The following EPB41L1 variants were observed in gnomAD, a reference collection of about 807,000 sequenced individuals.
The protein encoded by EPB41L1 is band 4.1-like protein 1.
Under a neutral mutation model 97.8 loss-of-function variants are expected in EPB41L1, and 29 were observed. The observed-to-expected ratio is 0.30, with a 90% CI of 0.22 to 0.40. EPB41L1 has a LOEUF of 0.40. EPB41L1 is among the 10% of genes least tolerant of loss of function. The pLI is 1.00. For missense variants in EPB41L1, 812 were observed against 1,162.3 expected, an observed-to-expected ratio of 0.70 and a Z score of 4.38; for synonymous variants, 383 against 459.2, an observed-to-expected ratio of 0.83 and a Z score of 2.12.
chr20:36,155,997 C>G (rs1433704387), intron 1 of EPB41L1, among the ~76,000 whole-genome samples: 1 of 152,012 alleles, frequency 6.6e-6, no homozygotes, highest in African/African-American at 2.4e-5. Flanking sequence ...CCCTCCGCAG[C>G]TCTTGGAAGA....
At chr20:36,214,586 T>A (rs1218197837) in intron 17 of EPB41L1, 146 bp downstream of exon 17, 3 of 721,748 alleles carry the variant, frequency 4.2e-6, no homozygotes, top group Non-Finnish European at 7.3e-6. Flanking sequence ...CAGCTGTTTA[T>A]TATCTGGGGC....
At chr20:36,109,360 C>A (rs1203632129) in intron 1 of EPB41L1, among the ~76,000 whole-genome samples, 1 of 152,166 alleles carries the variant, frequency 6.6e-6, no homozygotes, top group East Asian at 1.9e-4. Context: ...TGAACTTGAG[C>A]CTTTCATCTG....
At position 36,214,485 on chromosome 20, in the gene EPB41L1, C is replaced by T. The variant is rs201707094; in HGVS notation, c.2268+45C>T. 1.3e-5 allele frequency: 20 copies of T among 1,492,386 alleles called. No homozygotes were observed. The Admixed American group carries it at 1.4e-4, about 11-fold the overall frequency. 92.4% of individuals were successfully genotyped at this position (1,492,386 alleles called of 1,614,324 possible). A position where few individuals can be genotyped will look rare whatever the true frequency, so the allele number is the denominator to read the frequency against. ...CTTCCCTCTCTGACCAGCCCCCTGC[C>T]CCACCAAACAGCCAGAGAACAAGCT... On this transcript the variant is annotated intron_variant, in intron 17 of 21. Coordinates refer to ENST00000338074, the MANE Select transcript of EPB41L1 (RefSeq NM_012156.2).
At chr20:36,211,931 C>T (rs1243092162) in intron 15 of EPB41L1, among the ~76,000 whole-genome samples, 4 of 152,138 alleles carry the variant, frequency 2.6e-5, no homozygotes, top group Non-Finnish European at 5.9e-5. Context: ...ATTATGTACA[C>T]AAGGAAAACA....
intron 17 of EPB41L1, among the ~76,000 whole-genome samples, chr20:36,215,277 T>C (rs772275830): frequency 5.9e-4 from 90 of 152,112 alleles, no homozygotes; most frequent in Non-Finnish European, 1.0e-3. Context: ...TGCCAGGTTA[T>C]CCCCAGGCCT....
intron 5 of EPB41L1, among the ~76,000 whole-genome samples, chr20:36,180,275 C>T (rs1317820307): frequency 6.6e-6 from 1 of 152,210 alleles, no homozygotes; most frequent in Non-Finnish European, 1.5e-5. Flanking sequence ...GTGACAGCAC[C>T]TCAGCCTTCT....
At chr20:36,149,557 T>C (rs1411494115) in intron 2 of EPB41L1, among the ~76,000 whole-genome samples, 1 of 152,220 alleles carries the variant, frequency 6.6e-6, no homozygotes, top group Non-Finnish European at 1.5e-5. Flanking sequence ...CTGCCACCTG[T>C]CCACCCTGCC....
intron 6 of EPB41L1, among the ~76,000 whole-genome samples, chr20:36,184,602 A>G (rs758068425): frequency 1.1e-4 from 16 of 152,224 alleles, no homozygotes; most frequent in African/African-American, 2.2e-4. Context: ...ATGTGCTGAC[A>G]TGGGAGGGCT....
At position 36,223,018 on chromosome 20, in the gene EPB41L1, T is replaced by C. The variant is rs1224948316; in HGVS notation, c.2637+624T>C. Among the ~76,000 whole-genome samples, 3 of 152,300 alleles carry C rather than the reference T, an allele frequency of 2.0e-5. No individual in the cohort carries two copies. In the East Asian group the frequency reaches 5.8e-4, roughly 29 times the overall value. ...TTTAAGTGATTCTCTTGCCTCAGCCTCCCGAGCAGCTGGGACCACAGGCGC... is the reference window on the plus strand; with the variant it reads ...TTTAAGTGATTCTCTTGCCTCAGCCCCCCGAGCAGCTGGGACCACAGGCGC... On this transcript the variant is annotated intron_variant, in intron 21 of 21. Coordinates refer to ENST00000338074, the MANE Select transcript of EPB41L1 (RefSeq NM_012156.2).
At chr20:36,145,413 A>G (rs1489061700) in intron 2 of EPB41L1, among the ~76,000 whole-genome samples, 1 of 151,634 alleles carries the variant, frequency 6.6e-6, no homozygotes, top group African/African-American at 2.4e-5. Flanking sequence ...AAAAAAAAAA[A>G]AGAGTTCCCA....
chr20:36,210,026 C>T, intron 15 of EPB41L1, 128 bp downstream of exon 15: 1 of 1,141,954 alleles, frequency 8.8e-7, no homozygotes, highest in South Asian at 1.5e-5. Flanking sequence ...GCATGACTGC[C>T]CCTCCGCAGA....
intron 1 of EPB41L1, 45 bp from the exon 2 acceptor site, chr20:36,173,719 A>G: frequency 1.9e-6 from 3 of 1,579,284 alleles, no homozygotes; most frequent in South Asian, 1.1e-5. Flanking sequence ...CTGTCATACC[A>G]TTGCTGTCCC....
chr20:36,124,249 C>T (rs528355783), intron 2 of EPB41L1, among the ~76,000 whole-genome samples: 8 of 152,042 alleles, frequency 5.3e-5, no homozygotes, highest in African/African-American at 1.4e-4. Flanking sequence ...AGTGAGACTC[C>T]GTCTCAAAAA....
At chr20:36,139,305 C>A (rs79125475) in intron 2 of EPB41L1, among the ~76,000 whole-genome samples, 4,862 of 152,292 alleles carry the variant, frequency 0.032, 290 homozygotes, top group African/African-American at 0.11. Flanking sequence ...AGTACAATTG[C>A]CTTTTTCTGA....
At chr20:36,139,104 C>A (rs959615600) in intron 2 of EPB41L1, among the ~76,000 whole-genome samples, 2 of 152,196 alleles carry the variant, frequency 1.3e-5, no homozygotes, top group African/African-American at 2.4e-5. Flanking sequence ...CCTTGTGGAT[C>A]CACAGAAAGC....
intron 15 of EPB41L1, among the ~76,000 whole-genome samples, chr20:36,211,237 AT>A (rs1375059119): frequency 2.0e-5 from 3 of 151,074 alleles, no homozygotes; most frequent in Non-Finnish European, 4.4e-5. Context: ...AAATACAAAA[AT>A]TAGCTGGGCG....
At chr20:36,095,349 C>T (rs2057794348) in intron 1 of EPB41L1, among the ~76,000 whole-genome samples, 1 of 152,142 alleles carries the variant, frequency 6.6e-6, no homozygotes, top group Non-Finnish European at 1.5e-5. Context: ...CTCAAGGGAT[C>T]TGCCTGCCTC....
chr20:36,101,305 T>C (rs1197791361), intron 1 of EPB41L1, among the ~76,000 whole-genome samples: 1 of 151,966 alleles, frequency 6.6e-6, no homozygotes, highest in Non-Finnish European at 1.5e-5. Flanking sequence ...GGAAACCTGC[T>C]CTCACCCCAT....
At position 36,092,567 on chromosome 20, in the gene EPB41L1, T is replaced by A. The variant is rs890359415; in HGVS notation, c.-65+955T>A. The A allele has an allele frequency of 6.6e-6, 1 of 151,648 alleles. No homozygotes were observed. Among genetic ancestry groups the A allele is most frequent in the African/African-American group, 2.4e-5 (1 of 41,290 alleles). 9.4% of individuals were successfully genotyped at this position (151,648 alleles called of 1,614,324 possible). A position where few individuals can be genotyped will look rare whatever the true frequency, so the allele number is the denominator to read the frequency against. ...TGCTCGTTCGCCCGCCCGCTGCTGC[T>A]TGGGGGGCCGGGATCGCCGCCGCCT... On this transcript the variant is annotated intron_variant, in intron 1 of 19. Transcript: ENST00000202028. This position sits in a 1 kb window ranked among gnomAD's most constrained non-coding sequence, Gnocchi z 7.0.
Sources: allele counts gnomAD v4.1 joint callset (sites outside exome capture counted in the v4.1 genomes callset), GRCh38; gene constraint gnomAD v4.1.1; non-coding constraint Gnocchi (gnomAD v3.1); transcripts MANE v1.5; gene names NCBI Gene and HGNC (gene_info 2026-07-23, HGNC 2026-07-21).